DCUN1D5: variants seen among roughly 807,000 people sequenced by gnomAD.
DCUN1D5 encodes DCN1-like protein 5.
DCUN1D5 carries 10 observed loss-of-function variants against 38.3 expected under a neutral mutation model. The ratio of observed to expected loss-of-function variants is 0.26; its 90% CI spans 0.16 to 0.44. The LOEUF is 0.44. Ranked by LOEUF, DCUN1D5 falls within the 20% of genes least tolerant of loss-of-function variation. The pLI is 1.00. For missense variants in DCUN1D5, 148 were observed against 275.3 expected (o/e 0.54, Z 3.27); for synonymous variants, 93 against 90.9 (o/e 1.02, Z -0.13).
chr11:103,081,638 G>A (rs1237383184), intron 4 of DCUN1D5, among the ~76,000 whole-genome samples: 1 of 152,094 alleles, frequency 6.6e-6, no homozygotes, highest in Non-Finnish European at 1.5e-5. Flanking sequence ...CTAAGGAACT[G>A]TGCCAAATAT....
rs1862867577 is a variant in DCUN1D5 at position 103,091,585 on chromosome 11, T to C, written c.86+202A>G. 2 of 861,628 alleles carry C rather than the reference T, an allele frequency of 2.3e-6. No individual in the cohort carries two copies. The highest frequency in any genetic ancestry group is 3.6e-6 in the Non-Finnish European group (2 of 557,946). 53.4% of individuals were successfully genotyped at this position (861,628 alleles called of 1,614,324 possible). A position where few individuals can be genotyped will look rare whatever the true frequency, so the allele number is the denominator to read the frequency against. ...GTGGGCGGCTCTTCTAGTCTCTCCA[T>C]AAACGCCAGCGTGCACACACTCGAA... On this transcript the variant is annotated intron_variant, in intron 1 of 7. Coordinates refer to ENST00000260247, the MANE Select transcript of DCUN1D5 (RefSeq NM_032299.4). The surrounding 1 kb of genome is among the most constrained non-coding windows in gnomAD (Gnocchi z 4.3).
Position 103,077,551 on chromosome 11 carries a change from T to C in DCUN1D5, c.341+5197A>G, listed in dbSNP as rs1862442184. ...CCACTGTAGTTAGAAAGAGAAGAAA[T>C]GGGTATTAATTTCAACGTTAGGACT... On this transcript the variant is annotated intron_variant, in intron 4 of 7. Transcript: ENST00000260247. The surrounding 1 kb of genome is among the most constrained non-coding windows in gnomAD (Gnocchi z 4.3). 1.3e-5 allele frequency among the ~76,000 whole-genome samples: 2 copies of C among 152,156 alleles called. No homozygotes were observed. The highest frequency in any genetic ancestry group is 6.5e-5 in the Admixed American group (1 of 15,282).
At position 103,082,346 on chromosome 11, in the gene DCUN1D5, A is replaced by C. The variant is rs1194757506; in HGVS notation, c.341+402T>G. Among the ~76,000 whole-genome samples, 6 of 152,234 alleles carry C rather than the reference A, an allele frequency of 3.9e-5. No individual in the cohort carries two copies. The South Asian group carries it at 8.3e-4, about 21-fold the overall frequency. On this transcript the variant is annotated intron_variant, in intron 4 of 7. Coordinates refer to ENST00000260247, the MANE Select transcript of DCUN1D5 (RefSeq NM_032299.4). ...TCTATCTTCAAATTTTTAAAGTCAA[A>C]TATTAAAGTGAAGAAGGGAGAGGAG...
Position 103,056,942 on chromosome 11 carries a change from CATT to C in DCUN1D5, c.*5414_*5416del, listed in dbSNP as rs564569231. 6.8e-4 allele frequency among the ~76,000 whole-genome samples: 103 copies of C among 152,222 alleles called. No homozygotes were observed. Among genetic ancestry groups the C allele is most frequent in the Admixed American group, 2.2e-3 (34 of 15,284 alleles). On this transcript the variant is annotated 3_prime_UTR_variant, in exon 8 of 8. Transcript: ENST00000260247. This position sits in a 1 kb window ranked among gnomAD's most constrained non-coding sequence, Gnocchi z 4.9. ...ACTTCGTAACAATACTGGTAGGTAT[CATT>C]ATCGCCATTTTACAGAAGAAACTGA...
rs1861790633 is a variant in DCUN1D5, at chr11:103,053,268, T to A, written c.*9091A>T. ...ACTACACTGTAAATTGATCATTTAG[T>A]CATATTTAGCATCCATTTAATGAAC... On this transcript the variant is annotated 3_prime_UTR_variant, in exon 8 of 8. Transcript: ENST00000260247. The surrounding 1 kb of genome is among the most constrained non-coding windows in gnomAD (Gnocchi z 4.8). 2 of 152,228 alleles carry A rather than the reference T, an allele frequency of 1.3e-5. No homozygotes were observed. Among genetic ancestry groups the A allele is most frequent in the East Asian group, 1.9e-4 (1 of 5,188 alleles). The allele number at this position is 152,228 out of a possible 1,614,324, so 9.4% of individuals were successfully genotyped here.
In DCUN1D5 at chr11:103,053,511, G is replaced by C. The variant is rs1246354342; in HGVS notation, c.*8848C>G. ...GCTAAAGAGAATTCGAATGTTCCTA[G>C]TGTAAAGAAAACATAAATATTTAAG... On this transcript the variant is annotated 3_prime_UTR_variant, in exon 8 of 8. Transcript: ENST00000260247. This position sits in a 1 kb window ranked among gnomAD's most constrained non-coding sequence, Gnocchi z 4.8. The C allele has an allele frequency of 6.6e-6, 1 of 151,980 alleles. No individual in the cohort carries two copies. Among genetic ancestry groups the C allele is most frequent in the Non-Finnish European group, 1.5e-5 (1 of 67,950 alleles). 9.4% of individuals were successfully genotyped at this position (151,980 alleles called of 1,614,324 possible).
At position 103,077,350 on chromosome 11, in the gene DCUN1D5, C is replaced by T. The variant is rs1395251121; in HGVS notation, c.341+5398G>A. Among the ~76,000 whole-genome samples, 4 of 152,162 alleles carry T rather than the reference C, an allele frequency of 2.6e-5. No individual in the cohort carries two copies. Among genetic ancestry groups the T allele is most frequent in the Non-Finnish European group, 4.4e-5 (3 of 68,038 alleles). On this transcript the variant is annotated intron_variant, in intron 4 of 7. Coordinates refer to ENST00000260247, the MANE Select transcript of DCUN1D5 (RefSeq NM_032299.4). This position sits in a 1 kb window ranked among gnomAD's most constrained non-coding sequence, Gnocchi z 4.3. ...GAATCTAGCTCCAAAATACTAACAT[C>T]AATACCTCAGAAATTGGGAAGTTTA...
Position 103,086,137 on chromosome 11 carries a change from T to C in DCUN1D5, c.179-2811A>G, listed in dbSNP as rs1862699856. ...CCATAAAGGAATGTTCCTAGCTATA[T>C]CTGCAAGGCCTAATACCATGCCAGC... On this transcript the variant is annotated intron_variant, in intron 2 of 7. Coordinates refer to ENST00000260247, the MANE Select transcript of DCUN1D5 (RefSeq NM_032299.4). This position sits in a 1 kb window ranked among gnomAD's most constrained non-coding sequence, Gnocchi z 4.1. 6.6e-6 allele frequency among the ~76,000 whole-genome samples: 1 copy of C among 151,832 alleles called. No individual in the cohort carries two copies. The highest frequency in any genetic ancestry group is 1.5e-5 in the Non-Finnish European group (1 of 67,976).
rs1861866106 is a variant in DCUN1D5 at position 103,056,094 on chromosome 11, TAATCTC to T, written c.*6259_*6264del. 2.0e-5 allele frequency among the ~76,000 whole-genome samples: 3 copies of T among 152,174 alleles called. No individual in the cohort carries two copies. The South Asian group carries it at 6.2e-4, about 31-fold the overall frequency. On this transcript the variant is annotated 3_prime_UTR_variant, in exon 8 of 8. Coordinates refer to ENST00000260247, the MANE Select transcript of DCUN1D5 (RefSeq NM_032299.4). This position sits in a 1 kb window ranked among gnomAD's most constrained non-coding sequence, Gnocchi z 4.9. ...GACCACTTATTATTTCCATTACTCT[TAATCTC>T]AAATTGTACCATTTGTCACCTGGAT...
At chr11:103,090,795 C>G (rs533616436) in intron 1 of DCUN1D5, among the ~76,000 whole-genome samples, 6 of 152,078 alleles carry the variant, frequency 3.9e-5, no homozygotes, top group Non-Finnish European at 8.8e-5. Context: ...GCCTATAATC[C>G]CAGCTACTCA....
Position 103,057,343 on chromosome 11 carries a change from G to C in DCUN1D5, c.*5016C>G, listed in dbSNP as rs1367017914. ...GGTTCAAAGGCAATTGTTAGCAACA[G>C]CAAATTTTTTTTTGACCTTCAAAAT... On this transcript the variant is annotated 3_prime_UTR_variant, in exon 8 of 8. Transcript: ENST00000260247. This position sits in a 1 kb window ranked among gnomAD's most constrained non-coding sequence, Gnocchi z 4.8. 6.6e-6 allele frequency among the ~76,000 whole-genome samples: 1 copy of C among 152,160 alleles called. No homozygotes were observed. The highest frequency in any genetic ancestry group is 2.4e-5 in the African/African-American group (1 of 41,434).
At chr11:103,084,864 G>C (rs1862659513) in intron 2 of DCUN1D5, among the ~76,000 whole-genome samples, 1 of 151,974 alleles carries the variant, frequency 6.6e-6, no homozygotes, top group Non-Finnish European at 1.5e-5. Flanking sequence ...GTGCCAGTCT[G>C]TGGTCCCAGC....
rs749281699 is a variant in DCUN1D5, at chr11:103,057,701, CAG to C, written c.*4656_*4657del. 4.0e-5 allele frequency among the ~76,000 whole-genome samples: 6 copies of C among 151,642 alleles called. No individual in the cohort carries two copies. The highest frequency in any genetic ancestry group is 7.4e-5 in the Non-Finnish European group (5 of 67,936). On this transcript the variant is annotated 3_prime_UTR_variant, in exon 8 of 8. Coordinates refer to ENST00000260247, the MANE Select transcript of DCUN1D5 (RefSeq NM_032299.4). This position sits in a 1 kb window ranked among gnomAD's most constrained non-coding sequence, Gnocchi z 4.8. ...CACCACTGCACTCCATCCTGGGTGA[CAG>C]AGTAAGACCCTGTCTCCAAAAAAAA...
Position 103,060,730 on chromosome 11 carries a change from A to G in DCUN1D5, c.*1629T>C, listed in dbSNP as rs935605749. ...GGACAATTTATAAGATTTTGCTTAT[A>G]TGTTTTGGAATTTAACAAAAGTGGA... On this transcript the variant is annotated 3_prime_UTR_variant, in exon 8 of 8. Transcript: ENST00000260247. Among the ~76,000 whole-genome samples, 3 of 152,198 alleles carry G rather than the reference A, an allele frequency of 2.0e-5. No homozygotes were observed. Among genetic ancestry groups the G allele is most frequent in the African/African-American group, 7.2e-5 (3 of 41,450 alleles).
intron 2 of DCUN1D5, among the ~76,000 whole-genome samples, chr11:103,088,132 C>T (rs1210782726): frequency 1.3e-5 from 2 of 150,212 alleles, no homozygotes; most frequent in South Asian, 2.1e-4. Flanking sequence ...AAAGTTACTG[C>T]CCCCCTTTCA....
Position 103,091,920 on chromosome 11 carries a change from C to A in DCUN1D5, c.-48G>T. On this transcript the variant is annotated 5_prime_UTR_variant, in exon 1 of 8. Transcript: ENST00000260247. The surrounding 1 kb of genome is among the most constrained non-coding windows in gnomAD (Gnocchi z 4.3). ...GGGCAGGGGAGCCGGGGAAGGGGGTCCCTGTCCGCTGGAAGCCCCTCAGCG... is the reference window on the plus strand; with the variant it reads ...GGGCAGGGGAGCCGGGGAAGGGGGTACCTGTCCGCTGGAAGCCCCTCAGCG... 1 of 1,557,228 alleles carries A rather than the reference C, an allele frequency of 6.4e-7. No homozygotes were observed. Among genetic ancestry groups the A allele is most frequent in the Non-Finnish European group, 8.7e-7 (1 of 1,143,964 alleles).
In DCUN1D5 at chr11:103,052,810, A is replaced by G. The variant is rs191113026; in HGVS notation, c.*9549T>C. 82 of 152,370 alleles carry G rather than the reference A, an allele frequency of 5.4e-4. No individual in the cohort carries two copies. The highest frequency in any genetic ancestry group is 1.8e-3 in the African/African-American group (74 of 41,594). The allele number at this position is 152,370 out of a possible 1,614,324, so 9.4% of individuals were successfully genotyped here. ...TGGCTTTTTATAGAGAGAATAAAAT[A>G]GAAATTCCTAAATAGAAATTCAGTT... On this transcript the variant is annotated 3_prime_UTR_variant, in exon 8 of 8. Coordinates refer to ENST00000260247, the MANE Select transcript of DCUN1D5 (RefSeq NM_032299.4).
chr11:103,086,915 A>G lies in DCUN1D5; in HGVS notation c.178+2312T>C, dbSNP rs2134636375. Among the ~76,000 whole-genome samples, 1 of 151,944 alleles carries G rather than the reference A, an allele frequency of 6.6e-6. No individual in the cohort carries two copies. The highest frequency in any genetic ancestry group is 2.1e-4 in the South Asian group (1 of 4,822). Reference sequence around the variant, plus strand: ...ATTTAAATAAAAAATACATAAAAGCATAGTAGTTAAAAGCATGGACTTTAG... The same window carrying G: ...ATTTAAATAAAAAATACATAAAAGCGTAGTAGTTAAAAGCATGGACTTTAG... On this transcript the variant is annotated intron_variant, in intron 2 of 7. Coordinates refer to ENST00000260247, the MANE Select transcript of DCUN1D5 (RefSeq NM_032299.4). The surrounding 1 kb of genome is among the most constrained non-coding windows in gnomAD (Gnocchi z 4.1).
rs761588085 is a variant in DCUN1D5 at position 103,064,418 on chromosome 11, CA to C, written c.556-42del. 1 of 1,449,498 alleles carries C rather than the reference CA, an allele frequency of 6.9e-7. No homozygotes were observed. Among genetic ancestry groups the C allele is most frequent in the South Asian group, 1.3e-5 (1 of 77,150 alleles). 89.8% of individuals were successfully genotyped at this position (1,449,498 alleles called of 1,614,324 possible). On this transcript the variant is annotated intron_variant, in intron 6 of 7. Coordinates refer to ENST00000260247, the MANE Select transcript of DCUN1D5 (RefSeq NM_032299.4). This position sits in a 1 kb window ranked among gnomAD's most constrained non-coding sequence, Gnocchi z 4.5. Reference sequence around the variant, plus strand: ...AAATATTTGTATTTAAATATTTAAACAAACATCATTTACTCAATTTAGTAAA... The same window carrying C: ...AAATATTTGTATTTAAATATTTAAACAACATCATTTACTCAATTTAGTAAA...
Sources: allele counts gnomAD v4.1 joint callset (sites outside exome capture counted in the v4.1 genomes callset), GRCh38; gene constraint gnomAD v4.1.1; non-coding constraint Gnocchi (gnomAD v3.1); transcripts MANE v1.5; gene names NCBI Gene and HGNC (gene_info 2026-07-23, HGNC 2026-07-21).